Variants in SLC9A3 observed in about 807,000 individuals in gnomAD.
The protein encoded by SLC9A3 is sodium/hydrogen exchanger 3.
Under a neutral mutation model 86.8 loss-of-function variants are expected in SLC9A3, and 37 were observed. The ratio of observed to expected loss-of-function variants is 0.43; its 90% CI spans 0.33 to 0.56. SLC9A3 has a LOEUF of 0.56. SLC9A3 is among the 20% of genes least tolerant of loss of function. The pLI, the probability that SLC9A3 is intolerant of heterozygous loss-of-function variation, is 0.06. For synonymous variants in SLC9A3, 581 were observed against 528.3 expected (o/e 1.10, Z -1.37); for missense variants, 1,011 against 1,171.9 (o/e 0.86, Z 2.00).
chr5:484,525 G>A lies in SLC9A3; in HGVS notation c.927C>T (p.Ile309=). 1 of 1,612,638 alleles carries A rather than the reference G, an allele frequency of 6.2e-7. No individual in the cohort carries two copies. Among genetic ancestry groups the A allele is most frequent in the Non-Finnish European group, 8.5e-7 (1 of 1,179,890 alleles). The change falls in exon 5 of 17, where the codon ATC becomes ATT. Residue 309 remains isoleucine, a synonymous_variant. Coordinates refer to ENST00000264938, the MANE Select transcript of SLC9A3 (RefSeq NM_004174.4). ...LTSEMLSLSA[I]LAITFCGICC... ...CGTGTGTGGGAGGGACTCACGCGAGGATGGCCGACAGCGACAGCATCTCGG... is the reference window on the plus strand; with the variant it reads ...CGTGTGTGGGAGGGACTCACGCGAGAATGGCCGACAGCGACAGCATCTCGG...
chr5:482,292 C>A, intron 7 of SLC9A3, 135 bp from the exon 8 acceptor site: 1 of 718,462 alleles, frequency 1.4e-6, no homozygotes, highest in Non-Finnish European at 2.3e-6. Context: ...CCCAGCAACC[C>A]GCGCCCCTGC....
At chr5:522,696 G>A (rs953207684) in intron 1 of SLC9A3, among the ~76,000 whole-genome samples, 48 of 148,238 alleles carry the variant, frequency 3.2e-4, no homozygotes, top group East Asian at 2.0e-4. Context: ...CCGAGATCGC[G>A]TCATTGCACT....
Position 474,916 on chromosome 5 carries a change from C to A in SLC9A3, c.2468G>T (p.Arg823Leu). 6.3e-7 allele frequency: 1 copy of A among 1,594,992 alleles called. No homozygotes were observed. The highest frequency in any genetic ancestry group is 2.3e-5 in the East Asian group (1 of 44,146). ...GGACTCGGGGAGGGCGGCGGGGGGCCGCTCCTCGGGGCCGTCTGCCTGCAG... is the reference window on the plus strand; with the variant it reads ...GGACTCGGGGAGGGCGGCGGGGGGCAGCTCCTCGGGGCCGTCTGCCTGCAG... ...SFLQADGPEE[R>L]PPAALPESTH... The change falls in exon 16 of 17, where the codon CGG becomes CTG. Residue 823 changes from arginine to leucine, a missense_variant. By Grantham distance (102) the Arg-to-Leu change is moderately radical. Coordinates refer to ENST00000264938, the MANE Select transcript of SLC9A3 (RefSeq NM_004174.4).
intron 11 of SLC9A3, 53 bp downstream of exon 11, chr5:477,279 G>T: frequency 7.6e-7 from 1 of 1,314,636 alleles, no homozygotes; most frequent in Non-Finnish European, 1.1e-6. Flanking sequence ...GTGACTCTCA[G>T]CTCCCGAGGC....
chr5:505,795 GA>G (rs1740549268), intron 1 of SLC9A3, among the ~76,000 whole-genome samples: 2 of 116,922 alleles, frequency 1.7e-5, no homozygotes, highest in Non-Finnish European at 3.6e-5. Context: ...GGTGGGTGGG[GA>G]GTGACCATGT....
chr5:517,968 CTCATCCAT>C (rs1459347624), intron 1 of SLC9A3, among the ~76,000 whole-genome samples: 7 of 152,054 alleles, frequency 4.6e-5, no homozygotes, highest in Non-Finnish European at 7.4e-5. Flanking sequence ...CATCCATTTA[CTCATCCAT>C]TCATCCATTC....
chr5:489,906 C>T (rs778039687), intron 2 of SLC9A3, among the ~76,000 whole-genome samples: 18 of 152,268 alleles, frequency 1.2e-4, no homozygotes, highest in Admixed American at 2.6e-4. Flanking sequence ...TTCTCCACCA[C>T]GTGCTTTGCC....
At chr5:504,071 C>T (rs548694188) in intron 1 of SLC9A3, among the ~76,000 whole-genome samples, 4 of 152,032 alleles carry the variant, frequency 2.6e-5, no homozygotes, top group East Asian at 1.9e-4. Context: ...TCATCAATCA[C>T]GGAAGTTTAG....
At chr5:521,386 TCTC>T (rs1016761071) in intron 1 of SLC9A3, among the ~76,000 whole-genome samples, 7 of 152,172 alleles carry the variant, frequency 4.6e-5, no homozygotes, top group African/African-American at 1.7e-4. Context: ...GGAGTAGAAA[TCTC>T]CTGGGATCAA....
chr5:519,634 C>T lies in SLC9A3; in HGVS notation c.211+4478G>A, dbSNP rs910583098. Among the ~76,000 whole-genome samples, 3 of 152,152 alleles carry T rather than the reference C, an allele frequency of 2.0e-5. No homozygotes were observed. The South Asian group carries it at 6.2e-4, about 32-fold the overall frequency. ...CCGGGAGTCAAGTGTCGGGTGAGGA[C>T]GACCTCCTGCACCCACCCAGACAAC... On this transcript the variant is annotated intron_variant, in intron 1 of 16. Transcript: ENST00000264938.
At chr5:498,885 C>T (rs1410106705) in intron 1 of SLC9A3, among the ~76,000 whole-genome samples, 1 of 152,206 alleles carries the variant, frequency 6.6e-6, no homozygotes, top group African/African-American at 2.4e-5. Context: ...CAGAGGAGTC[C>T]TGCAGCGTCT....
chr5:523,572 G>A (rs2126663953), intron 1 of SLC9A3, among the ~76,000 whole-genome samples: 2 of 140,438 alleles, frequency 1.4e-5, no homozygotes, highest in East Asian at 2.1e-4. Context: ...CGCCGGTTAA[G>A]AAGAAGAGAA....
rs1579755428 is a variant in SLC9A3, at chr5:472,802, G to C, written c.*577C>G. On this transcript the variant is annotated 3_prime_UTR_variant, in exon 17 of 17. Transcript: ENST00000264938. ...CTGGCGCTCGGGAGGTCCCTGAGTC[G>C]GTCCCCGAGTCAGTCCCCGGGCGCG... 1.7e-6 allele frequency: 1 copy of C among 574,026 alleles called. No homozygotes were observed. The highest frequency in any genetic ancestry group is 3.3e-6 in the Non-Finnish European group (1 of 303,342). The allele number at this position is 574,026 out of a possible 1,614,324, so 35.6% of individuals were successfully genotyped here.
chr5:472,819 C>T lies in SLC9A3; in HGVS notation c.*560G>A, dbSNP rs1738443579. 5 of 559,796 alleles carry T rather than the reference C, an allele frequency of 8.9e-6. No individual in the cohort carries two copies. The highest frequency in any genetic ancestry group is 2.0e-5 in the African/African-American group (1 of 50,716). The allele number at this position is 559,796 out of a possible 1,614,324, so 34.7% of individuals were successfully genotyped here. Reference sequence around the variant, plus strand: ...CCTGAGTCGGTCCCCGAGTCAGTCCCCGGGCGCGGGGCTCGGTTGGGGGGG... The same window carrying T: ...CCTGAGTCGGTCCCCGAGTCAGTCCTCGGGCGCGGGGCTCGGTTGGGGGGG... On this transcript the variant is annotated 3_prime_UTR_variant, in exon 17 of 17. Transcript: ENST00000264938.
Position 471,611 on chromosome 5 carries a change from A to G in SLC9A3, c.*1768T>C, listed in dbSNP as rs368669839. Reference sequence around the variant, plus strand: ...ACCAGGGCTGGCCTTGGATCTGTCCAGTAGGGTCACTGACTGGGCAGGGCT... The same window carrying G: ...ACCAGGGCTGGCCTTGGATCTGTCCGGTAGGGTCACTGACTGGGCAGGGCT... On this transcript the variant is annotated 3_prime_UTR_variant, in exon 17 of 17. Transcript: ENST00000264938. 1 of 380,058 alleles carries G rather than the reference A, an allele frequency of 2.6e-6. No homozygotes were observed. The highest frequency in any genetic ancestry group is 5.2e-6 in the Non-Finnish European group (1 of 191,706). 23.5% of individuals were successfully genotyped at this position (380,058 alleles called of 1,614,324 possible).
chr5:475,589 G>T lies in SLC9A3; in HGVS notation c.2223C>A (p.Thr741=), dbSNP rs142689247. 333 of 1,551,144 alleles carry T rather than the reference G, an allele frequency of 2.1e-4. No individual in the cohort carries two copies. The highest frequency in any genetic ancestry group is 2.7e-4 in the Non-Finnish European group (304 of 1,146,156). ...CAGGGGAGTCGGACGCTGTGTCCTT[G>T]GTGACACTAGCCAGGAACTCGATCC... ...SGGIEFLASV[T]KDTASDSPAG... The change falls in exon 15 of 17, where the codon ACC becomes ACA. Residue 741 remains threonine (T), a synonymous_variant. Coordinates refer to ENST00000264938, the MANE Select transcript of SLC9A3 (RefSeq NM_004174.4).
In SLC9A3 at chr5:475,708, TGG is replaced by T. The variant is rs752362143; in HGVS notation, c.2141-39_2141-38del. 22 of 1,172,268 alleles carry T rather than the reference TGG, an allele frequency of 1.9e-5. No individual in the cohort carries two copies. In the South Asian group the frequency reaches 2.6e-4, roughly 14 times the overall value. 72.6% of individuals were successfully genotyped at this position (1,172,268 alleles called of 1,614,324 possible). A position where few individuals can be genotyped will look rare whatever the true frequency, so the allele number is the denominator to read the frequency against. ...AGGTTGGGGTGAGGACTGGGGTCAC[TGG>T]GGGGCTGTCCTCACAGCCCAGTCAG... On this transcript the variant is annotated intron_variant, in intron 14 of 16. Coordinates refer to ENST00000264938, the MANE Select transcript of SLC9A3 (RefSeq NM_004174.4).
At chr5:524,044 AG>A in intron 1 of SLC9A3, 67 bp downstream of exon 1, 1 of 1,097,274 alleles carries the variant, frequency 9.1e-7, no homozygotes, top group Non-Finnish European at 1.2e-6. Flanking sequence ...GCCACAACGA[AG>A]CCCCCAGGCC....
At chr5:514,885 C>T (rs919277065) in intron 1 of SLC9A3, among the ~76,000 whole-genome samples, 2 of 152,198 alleles carry the variant, frequency 1.3e-5, no homozygotes, top group African/African-American at 4.8e-5. Context: ...CCCTGGCTCC[C>T]GCTCCTTCCC....
Sources: allele counts gnomAD v4.1 joint callset (sites outside exome capture counted in the v4.1 genomes callset), GRCh38; gene constraint gnomAD v4.1.1; transcripts MANE v1.5; gene names NCBI Gene and HGNC (gene_info 2026-07-23, HGNC 2026-07-21).